The following ACTN2 variants were observed in gnomAD, a reference collection of about 807,000 sequenced individuals.
The protein encoded by ACTN2 is alpha-actinin-2.
Under a neutral mutation model 113.8 loss-of-function variants are expected in ACTN2, and 39 were observed. The observed-to-expected ratio is 0.34, with a 90% CI of 0.27 to 0.45. ACTN2 has a LOEUF of 0.45. Ranked by LOEUF, ACTN2 falls within the 20% of genes least tolerant of loss-of-function variation. ACTN2 has a pLI of 1.00. For missense variants in ACTN2, 992 were observed against 1,177.9 expected, an observed-to-expected ratio of 0.84 and a Z score of 2.31; for synonymous variants, 429 against 444.1, an observed-to-expected ratio of 0.97 and a Z score of 0.43.
At chr1:236,746,157 C>T (rs1171017701) in intron 12 of ACTN2, among the ~76,000 whole-genome samples, 7 of 102,348 alleles carry the variant, frequency 6.8e-5, no homozygotes, top group African/African-American at 2.6e-4. Flanking sequence ...CAGAGCAAGA[C>T]TCCATCTCAA....
intron 1 of ACTN2, among the ~76,000 whole-genome samples, chr1:236,696,435 A>T (rs1015172109): frequency 1.3e-5 from 2 of 152,252 alleles, no homozygotes; most frequent in East Asian, 3.9e-4. Context: ...AAGAAATCCT[A>T]TCTTCTAAAG....
At position 236,754,302 on chromosome 1, in the gene ACTN2, A is replaced by AGGGGAG. The variant is rs1350483632; in HGVS notation, c.1974+226_1974+231dup. ...AATGCAGGAAGGCGGCACTCAAGGA[A>AGGGGAG]GGGGAGGGGGGTCTTGCTGGGTTCT... On this transcript the variant is annotated intron_variant, in intron 16 of 20. Coordinates refer to ENST00000366578, the MANE Select transcript of ACTN2 (RefSeq NM_001103.4). The surrounding 1 kb of genome is among the most constrained non-coding windows in gnomAD (Gnocchi z 4.9). Among the ~76,000 whole-genome samples, 1 of 152,196 alleles carries AGGGGAG rather than the reference A, an allele frequency of 6.6e-6. No individual in the cohort carries two copies. The highest frequency in any genetic ancestry group is 1.5e-5 in the Non-Finnish European group (1 of 68,028).
chr1:236,736,796 A>C (rs1444011627), intron 8 of ACTN2: 1 of 674,106 alleles, frequency 1.5e-6, no homozygotes, highest in African/African-American at 1.8e-5. Flanking sequence ...GGGACCCAAG[A>C]TCTTGGTTTC....
Position 236,686,704 on chromosome 1 carries a change from A to C in ACTN2, c.31A>C (p.Asn11His), listed in dbSNP as rs886046205. MNQIEPGVQY[N>H]YVYDEDEYMI... ...CCAGATAGAGCCCGGCGTGCAGTAC[A>C]ACTACGTGTACGACGAGGATGAGTA... The change falls in exon 1 of 21, where the codon AAC becomes CAC. Residue 11 changes from asparagine (N) to histidine (H), a missense_variant. By Grantham distance (68) the Asn-to-His change is moderately conservative (BLOSUM62 1). Transcript: ENST00000366578. 1 of 1,566,958 alleles carries C rather than the reference A, an allele frequency of 6.4e-7. No homozygotes were observed. The highest frequency in any genetic ancestry group is 8.6e-7 in the Non-Finnish European group (1 of 1,156,520).
chr1:236,751,721 A>G, intron 15 of ACTN2, 69 bp downstream of exon 15: 1 of 1,582,926 alleles, frequency 6.3e-7, no homozygotes, highest in Non-Finnish European at 8.7e-7. Context: ...GAGGAAGTTA[A>G]CGCCTCGGGG....
At chr1:236,737,248 T>C in intron 9 of ACTN2, 34 bp downstream of exon 9, 2 of 1,446,962 alleles carry the variant, frequency 1.4e-6, no homozygotes, top group Non-Finnish European at 1.9e-6. Context: ...GTTCTGTCCA[T>C]CCTCACGCAG....
chr1:236,734,495 C>T (rs1658807588), intron 7 of ACTN2: 2 of 1,535,522 alleles, frequency 1.3e-6, no homozygotes, highest in Non-Finnish European at 1.7e-6. Context: ...CTGTTACTAT[C>T]ATGCTTTTGC....
rs73115462 is a variant in ACTN2 at position 236,711,163 on chromosome 1, A to C, written c.127-6695A>C. Reference sequence around the variant, plus strand: ...CACCCACTGACTGCCCACCCTGGCCAGGGACTCACTGGTTGCAATTCTTTA... The same window carrying C: ...CACCCACTGACTGCCCACCCTGGCCCGGGACTCACTGGTTGCAATTCTTTA... On this transcript the variant is annotated intron_variant, in intron 1 of 20. Coordinates refer to ENST00000366578, the MANE Select transcript of ACTN2 (RefSeq NM_001103.4). Among the ~76,000 whole-genome samples the C allele has an allele frequency of 9.3e-3, 1,418 of 152,310 alleles. 26 individuals are homozygous for C. The highest frequency in any genetic ancestry group is 0.032 in the African/African-American group (1,320 of 41,572).
At chr1:236,726,486 T>A (rs779092486) in intron 5 of ACTN2, among the ~76,000 whole-genome samples, 4 of 152,120 alleles carry the variant, frequency 2.6e-5, no homozygotes, top group Non-Finnish European at 2.9e-5. Flanking sequence ...AAAAATTATG[T>A]CTGAAAAATG....
intron 10 of ACTN2, among the ~76,000 whole-genome samples, chr1:236,742,481 G>A (rs1659100767): frequency 6.6e-6 from 1 of 152,044 alleles, no homozygotes; most frequent in Admixed American, 6.5e-5. Flanking sequence ...GAGGTGGGAG[G>A]ATTGCCAGAG....
intron 1 of ACTN2, among the ~76,000 whole-genome samples, chr1:236,707,709 C>T (rs1337342746): frequency 4.1e-4 from 32 of 78,726 alleles, no homozygotes; most frequent in South Asian, 5.4e-4. Context: ...TCTTTTTTTT[C>T]TTTTTTTTTT....
At chr1:236,744,143 T>A (rs1659154831) in intron 11 of ACTN2, among the ~76,000 whole-genome samples, 1 of 152,148 alleles carries the variant, frequency 6.6e-6, no homozygotes, top group Non-Finnish European at 1.5e-5. Context: ...ATATTTATTA[T>A]CAGGAAAAAC....
At chr1:236,730,530 T>C (rs1658684747) in intron 6 of ACTN2, among the ~76,000 whole-genome samples, 1 of 152,230 alleles carries the variant, frequency 6.6e-6, no homozygotes, top group Non-Finnish European at 1.5e-5. Context: ...TTAATTTCTT[T>C]TGAATTTCTC....
At chr1:236,739,169 G>A (rs564604476) in intron 9 of ACTN2, 133 bp from the exon 10 acceptor site, 32 of 936,104 alleles carry the variant, frequency 3.4e-5, no homozygotes, top group South Asian at 2.3e-4. Context: ...GCCTCTGTGC[G>A]TAGAGGTACC....
intron 1 of ACTN2, among the ~76,000 whole-genome samples, chr1:236,696,317 CAA>C (rs11317690): frequency 0.011 from 1,388 of 128,330 alleles, 10 homozygotes; most frequent in African/African-American, 0.027. Context: ...GACTCTGTCT[CAA>C]AAAAAAAAAA....
intron 1 of ACTN2, among the ~76,000 whole-genome samples, chr1:236,710,099 C>T (rs980680677): frequency 1.3e-5 from 2 of 152,182 alleles, no homozygotes; most frequent in African/African-American, 4.8e-5. Context: ...CCATGTCAGA[C>T]TCATGATTGA....
rs547000375 is a variant in ACTN2, at chr1:236,749,560, G to A, written c.1656+296G>A. On this transcript the variant is annotated intron_variant, in intron 14 of 20. Coordinates refer to ENST00000366578, the MANE Select transcript of ACTN2 (RefSeq NM_001103.4). ...GCTTATAATTCCAGCACTTGGGGAGGCTGAGGCGGGTGGATTGCTTGAGCT... is the reference window on the plus strand; with the variant it reads ...GCTTATAATTCCAGCACTTGGGGAGACTGAGGCGGGTGGATTGCTTGAGCT... Among the ~76,000 whole-genome samples, 5 of 152,254 alleles carry A rather than the reference G, an allele frequency of 3.3e-5. 1 individual carries two copies. The South Asian group carries it at 1.0e-3, about 32-fold the overall frequency.
At chr1:236,723,003 G>A (rs1334936757) in intron 4 of ACTN2, among the ~76,000 whole-genome samples, 3 of 152,188 alleles carry the variant, frequency 2.0e-5, no homozygotes, top group African/African-American at 7.2e-5. Flanking sequence ...AGCCTTGTTC[G>A]GCATTCATGG....
At position 236,751,621 on chromosome 1, in the gene ACTN2, C is replaced by T; in HGVS notation, c.1808C>T (p.Thr603Ile). Residue 603 changes from threonine (T) to isoleucine (I), a missense_variant, in exon 15 of 21, where the codon ACC becomes ATC. Around this residue, in one of 3 missense-constraint regions of ACTN2, gnomAD observed 736 missense variants for 815.4 expected, o/e 0.90. Transcript: ENST00000366578. Reference protein sequence around the residue: ...ISSSNPYSTVTMDELRTKWDK... With the variant: ...ISSSNPYSTVIMDELRTKWDK... ...TCAAGCAACCCGTACAGCACTGTCA[C>T]CATGGATGAGCTCCGGACCAAGTGG... 1.9e-6 allele frequency: 3 copies of T among 1,613,936 alleles called. No individual in the cohort carries two copies. The highest frequency in any genetic ancestry group is 1.7e-6 in the Non-Finnish European group (2 of 1,179,892).
Sources: allele counts gnomAD v4.1 joint callset (sites outside exome capture counted in the v4.1 genomes callset), GRCh38; gene constraint gnomAD v4.1.1; regional missense constraint gnomAD v4.1.1; non-coding constraint Gnocchi (gnomAD v3.1); transcripts MANE v1.5; gene names NCBI Gene and HGNC (gene_info 2026-07-23, HGNC 2026-07-21).